The following GDAP1L1 variants were observed in gnomAD, a reference collection of about 807,000 sequenced individuals.
GDAP1L1 encodes the protein ganglioside induced differentiation associated protein 1 like 1, also known as ganglioside-induced differentiation-associated protein 1-like 1.
In GDAP1L1, 21 loss-of-function variants were observed where a neutral mutation model predicts 37.1. The ratio of observed to expected loss-of-function variants is 0.57; its 90% CI spans 0.40 to 0.81. The LOEUF is 0.81. GDAP1L1 is among the 40% of genes least tolerant of loss of function. The pLI, the probability that GDAP1L1 is intolerant of heterozygous loss-of-function variation, is 0.00. For missense variants in GDAP1L1, 362 were observed against 491.6 expected (o/e 0.74, Z 2.49); for synonymous variants, 193 against 209.1 (o/e 0.92, Z 0.67).
At chr20:44,248,677 C>T (rs1270808893) in intron 1 of GDAP1L1, among the ~76,000 whole-genome samples, 11 of 152,242 alleles carry the variant, frequency 7.2e-5, no homozygotes, top group Admixed American at 7.2e-4. Context: ...ACTACTCAAA[C>T]TTGAGCGTGC....
At chr20:44,270,944 G>A (rs957936075) in intron 5 of GDAP1L1, among the ~76,000 whole-genome samples, 7 of 152,228 alleles carry the variant, frequency 4.6e-5, no homozygotes, top group African/African-American at 1.7e-4. Flanking sequence ...AGTATATCAA[G>A]TGATTTGTAG....
intron 5 of GDAP1L1, among the ~76,000 whole-genome samples, chr20:44,272,117 G>C (rs1330128283): frequency 6.6e-6 from 1 of 152,222 alleles, no homozygotes; most frequent in Non-Finnish European, 1.5e-5. Context: ...ATGAGCCCCG[G>C]GGGGTGGAGC....
chr20:44,273,709 C>A (rs538968300), intron 5 of GDAP1L1, among the ~76,000 whole-genome samples: 2 of 152,270 alleles, frequency 1.3e-5, no homozygotes, highest in African/African-American at 2.4e-5. Context: ...CTTAGGTGAC[C>A]TCAATGCTGC....
chr20:44,270,278 C>A (rs2146040516), intron 5 of GDAP1L1, among the ~76,000 whole-genome samples: 1 of 144,022 alleles, frequency 6.9e-6, no homozygotes, highest in Non-Finnish European at 1.5e-5. Flanking sequence ...TCATGCCATT[C>A]TCCTGCCTCA....
intron 3 of GDAP1L1, among the ~76,000 whole-genome samples, chr20:44,260,369 G>A (rs1326489946): frequency 6.6e-6 from 1 of 151,836 alleles, no homozygotes; most frequent in East Asian, 1.9e-4. Flanking sequence ...GCACTGCAAG[G>A]AGTATTTCTG....
chr20:44,262,116 G>A (rs1449486199), intron 3 of GDAP1L1, among the ~76,000 whole-genome samples: 2 of 152,122 alleles, frequency 1.3e-5, no homozygotes, highest in Non-Finnish European at 2.9e-5. Context: ...AGGGCAGTGA[G>A]GAGCCAGGGA....
intron 5 of GDAP1L1, among the ~76,000 whole-genome samples, chr20:44,278,274 C>A (rs2062605941): frequency 6.6e-6 from 1 of 151,828 alleles, no homozygotes; most frequent in Non-Finnish European, 1.5e-5. Context: ...CATGGTGGCT[C>A]TGGGGGGAAT....
chr20:44,259,492 ATTTT>A (rs11481104), intron 3 of GDAP1L1, among the ~76,000 whole-genome samples: 1 of 132,508 alleles, frequency 7.5e-6, no homozygotes, highest in South Asian at 2.5e-4. Flanking sequence ...AAGACTCAGA[ATTTT>A]TTTTTTTTTT....
intron 3 of GDAP1L1, among the ~76,000 whole-genome samples, chr20:44,258,942 TC>T (rs2073618965): frequency 7.9e-6 from 1 of 126,722 alleles, no homozygotes; most frequent in Non-Finnish European, 1.7e-5. Context: ...CCCATCCCCC[TC>T]CCCTGTCCCC....
chr20:44,279,319 G>T lies in GDAP1L1; in HGVS notation c.*19G>T, dbSNP rs1454329650. 6.7e-7 allele frequency: 1 copy of T among 1,482,692 alleles called. No individual in the cohort carries two copies. Among genetic ancestry groups the T allele is most frequent in the African/African-American group, 1.4e-5 (1 of 72,274 alleles). 91.8% of individuals were successfully genotyped at this position (1,482,692 alleles called of 1,614,324 possible). On this transcript the variant is annotated 3_prime_UTR_variant, in exon 6 of 6. Coordinates refer to ENST00000342560, the MANE Select transcript of GDAP1L1 (RefSeq NM_024034.6). ...CATCTAGGGCCAGGCCTGGGGCTTG[G>T]TGTCTGACTGTCGGTGTCTCTGTGC... is the stretch of plus-strand genomic sequence containing the variant.
At chr20:44,267,198 C>T (rs903982053) in intron 5 of GDAP1L1, among the ~76,000 whole-genome samples, 1 of 152,182 alleles carries the variant, frequency 6.6e-6, no homozygotes, top group African/African-American at 2.4e-5. Context: ...CAGATTTCAA[C>T]TCACTTAATC....
chr20:44,264,561 T>G lies in GDAP1L1; in HGVS notation c.760+2T>G, dbSNP rs1600548786. 5.6e-6 allele frequency: 9 copies of G among 1,609,824 alleles called. No individual in the cohort carries two copies. The highest frequency in any genetic ancestry group is 7.6e-6 in the Non-Finnish European group (9 of 1,177,602). ...AGAAGAGGAAGCTGGAGAACGAGGG[T>G]GGGTGCCAGCCCTGGGGGAGGTGGG... On this transcript the variant is annotated splice_donor_variant, in intron 5 of 5. Coordinates refer to ENST00000342560, the MANE Select transcript of GDAP1L1 (RefSeq NM_024034.6). LOFTEE classifies it high-confidence loss of function.
chr20:44,272,770 A>C (rs1485049959), intron 5 of GDAP1L1, among the ~76,000 whole-genome samples: 1 of 152,262 alleles, frequency 6.6e-6, no homozygotes, highest in Non-Finnish European at 1.5e-5. Context: ...ATAGGCATGA[A>C]CATAATAGTG....
intron 3 of GDAP1L1, among the ~76,000 whole-genome samples, chr20:44,261,204 C>T (rs756848885): frequency 4.6e-5 from 7 of 152,176 alleles, no homozygotes; most frequent in East Asian, 1.9e-4. Context: ...CAGCCTGCAG[C>T]GACCCCTTAA....
In GDAP1L1 at chr20:44,258,439, G is replaced by A. The variant is rs376008624; in HGVS notation, c.379G>A (p.Val127Met). The change falls in exon 3 of 6, where the codon GTG becomes ATG. Residue 127 changes from valine to methionine, a missense_variant. By Grantham distance (21) the Val-to-Met change is conservative (BLOSUM62 1). Transcript: ENST00000342560. ...GCCCCTGGCGGTGCCCACAGAGCAC[G>A]TGGTGGCCCTGATGCCCGAGGTGGG... ...YVERTFTGEH[V>M]VALMPEVGSL... 4.3e-5 allele frequency: 66 copies of A among 1,550,598 alleles called. 1 individual carries two copies. The highest frequency in any genetic ancestry group is 1.5e-4 in the South Asian group (13 of 84,052).
rs150293401 is a variant in GDAP1L1 at position 44,275,295 on chromosome 20, G to A, written c.761-3662G>A. Among the ~76,000 whole-genome samples, 1,067 of 152,278 alleles carry A rather than the reference G, an allele frequency of 7.0e-3. 5 individuals carry two copies. Among genetic ancestry groups the A allele is most frequent in the Non-Finnish European group, 0.012 (845 of 68,016 alleles). ...TGTGACTATGAGCCTCTTGAGGGGA[G>A]ACATTGTATTGTGTCGTGTCTTCAT... On this transcript the variant is annotated intron_variant, in intron 5 of 5. Coordinates refer to ENST00000342560, the MANE Select transcript of GDAP1L1 (RefSeq NM_024034.6).
intron 1 of GDAP1L1, among the ~76,000 whole-genome samples, chr20:44,251,587 T>C (rs949126182): frequency 6.6e-6 from 1 of 152,192 alleles, no homozygotes; most frequent in Admixed American, 6.5e-5. Context: ...ACCGCCTCCC[T>C]TCACCTAAGA....
intron 2 of GDAP1L1, 139 bp downstream of exon 2, chr20:44,257,484 A>C: frequency 1.1e-6 from 1 of 873,214 alleles, no homozygotes. Flanking sequence ...TCTCCCCAAA[A>C]AGGAGCCACA....
chr20:44,268,789 G>T (rs1480699102), intron 5 of GDAP1L1, among the ~76,000 whole-genome samples: 1 of 152,214 alleles, frequency 6.6e-6, no homozygotes, highest in Middle Eastern at 3.2e-3. Context: ...CGGGAAAGTG[G>T]TGGGAATGAG....
Sources: allele counts gnomAD v4.1 joint callset (sites outside exome capture counted in the v4.1 genomes callset), GRCh38; gene constraint gnomAD v4.1.1; transcripts MANE v1.5; gene names NCBI Gene and HGNC (gene_info 2026-07-23, HGNC 2026-07-21).